C1orf105: variants seen among roughly 807,000 people sequenced by gnomAD.
The protein encoded by C1orf105 is uncharacterized protein C1orf105.
In C1orf105, 17 loss-of-function variants were observed where a neutral mutation model predicts 20.8. The observed-to-expected ratio is 0.82, with a 90% CI of 0.56 to 1.23. The LOEUF (loss-of-function observed/expected upper bound fraction) is 1.23, where lower values mean the gene tolerates loss of function less well. C1orf105 is among the 50% of genes most tolerant of loss of function. The pLI is 0.00. For synonymous variants in C1orf105, 72 were observed against 72.1 expected (o/e 1.00, Z 0.01); for missense variants, 219 against 213.5 (o/e 1.03, Z -0.16).
intron 1 of C1orf105, among the ~76,000 whole-genome samples, chr1:172,425,035 T>G (rs184661264): frequency 7.6e-4 from 116 of 152,294 alleles, no homozygotes; most frequent in African/African-American, 2.7e-3. Context: ...TCAGCATTGG[T>G]AAAATCAATT....
intron 3 of C1orf105, chr1:172,453,025 G>A (rs1256261687): frequency 6.4e-7 from 1 of 1,550,526 alleles, no homozygotes; most frequent in Non-Finnish European, 8.7e-7. Context: ...AGACAGAATG[G>A]AGGAAATGAG....
intron 2 of C1orf105, 132 bp from the exon 3 acceptor site, chr1:172,448,309 C>G (rs745372616): frequency 6.5e-5 from 42 of 649,990 alleles, no homozygotes; most frequent in Non-Finnish European, 9.3e-5. Flanking sequence ...TCCCCAATGG[C>G]CTGAGTGCTC....
intron 1 of C1orf105, chr1:172,444,016 G>C: frequency 1.0e-6 from 1 of 1,000,214 alleles, no homozygotes; most frequent in Non-Finnish European, 1.2e-6. Flanking sequence ...GCGCAGCTGG[G>C]GGACGGCGGC....
intron 1 of C1orf105, among the ~76,000 whole-genome samples, chr1:172,436,799 C>G (rs1481566325): frequency 6.6e-6 from 1 of 152,166 alleles, no homozygotes; most frequent in East Asian, 1.9e-4. Flanking sequence ...TCAGAGTGAA[C>G]AGGCAACCTA....
chr1:172,453,176 A>C, intron 3 of C1orf105: 1 of 1,551,106 alleles, frequency 6.4e-7, no homozygotes, highest in East Asian at 2.4e-5. Flanking sequence ...GCTTCAGCTG[A>C]TAGCAAGTCT....
intron 1 of C1orf105, chr1:172,441,932 C>A: frequency 1.2e-6 from 2 of 1,614,160 alleles, no homozygotes; most frequent in Non-Finnish European, 1.7e-6. Flanking sequence ...AGCAGTGTGA[C>A]CCCCACATAG....
At chr1:172,430,465 A>G (rs1481609302) in intron 1 of C1orf105, 1 of 587,774 alleles carries the variant, frequency 1.7e-6, no homozygotes, top group African/African-American at 1.9e-5. Context: ...TTTTTGAGAC[A>G]GGGTCTTGCT....
chr1:172,432,868 GA>G (rs1187088268), intron 1 of C1orf105, among the ~76,000 whole-genome samples: 1 of 152,042 alleles, frequency 6.6e-6, no homozygotes, highest in East Asian at 1.9e-4. Context: ...TAAAAACCTT[GA>G]AAAAAGGACA....
chr1:172,449,646 CAA>C (rs754515895), intron 3 of C1orf105, among the ~76,000 whole-genome samples: 9 of 152,150 alleles, frequency 5.9e-5, no homozygotes, highest in Admixed American at 2.0e-4. Flanking sequence ...GCCCAACAGA[CAA>C]GAGCAGAGAG....
At chr1:172,446,781 G>A (rs1457153811) in intron 2 of C1orf105, among the ~76,000 whole-genome samples, 2 of 152,168 alleles carry the variant, frequency 1.3e-5, no homozygotes, top group Non-Finnish European at 1.5e-5. Context: ...TCATAGCCAG[G>A]TCCTGGAGGG....
At chr1:172,444,998 C>A in intron 1 of C1orf105, 75 bp from the exon 2 acceptor site, 2 of 1,201,014 alleles carry the variant, frequency 1.7e-6, no homozygotes, top group Non-Finnish European at 2.4e-6. Flanking sequence ...CTGCTATTAG[C>A]TGACTTTGGC....
chr1:172,464,718 CA>C (rs1649918333), intron 5 of C1orf105, among the ~76,000 whole-genome samples: 3 of 151,116 alleles, frequency 2.0e-5, no homozygotes, highest in Admixed American at 2.0e-4. Context: ...TATGTTCTGA[CA>C]GTGGAATAAA....
At chr1:172,427,483 C>T (rs951799843) in intron 1 of C1orf105, among the ~76,000 whole-genome samples, 1 of 152,164 alleles carries the variant, frequency 6.6e-6, no homozygotes, top group Non-Finnish European at 1.5e-5. Flanking sequence ...TCCTGGCTCC[C>T]CTTTGAAGCA....
chr1:172,452,594 T>C (rs1373452650), intron 3 of C1orf105, among the ~76,000 whole-genome samples: 1 of 152,244 alleles, frequency 6.6e-6, no homozygotes, highest in African/African-American at 2.4e-5. Flanking sequence ...TCTCTGTTTC[T>C]TTACCAAGGG....
intron 4 of C1orf105, among the ~76,000 whole-genome samples, chr1:172,460,096 A>G (rs2149189958): frequency 6.6e-6 from 1 of 152,240 alleles, no homozygotes; most frequent in East Asian, 1.9e-4. Flanking sequence ...TTTTGGGGTC[A>G]TGAACTGTTC....
At chr1:172,438,373 T>C (rs1558129554) in intron 1 of C1orf105, among the ~76,000 whole-genome samples, 1 of 152,332 alleles carries the variant, frequency 6.6e-6, no homozygotes, top group South Asian at 2.1e-4. Flanking sequence ...TAATAGGAGT[T>C]TGGAAGATGT....
chr1:172,465,293 A>T lies in C1orf105; in HGVS notation c.342-6A>T, dbSNP rs780180460. The T allele has an allele frequency of 6.2e-7, 1 of 1,606,254 alleles. No individual in the cohort carries two copies. Among genetic ancestry groups the T allele is most frequent in the Non-Finnish European group, 8.5e-7 (1 of 1,173,442 alleles). On this transcript the variant is annotated splice_region_variant and splice_polypyrimidine_tract_variant and intron_variant, in intron 5 of 6. Coordinates refer to ENST00000367727, the MANE Select transcript of C1orf105 (RefSeq NM_139240.4). Reference sequence around the variant, plus strand: ...ACTAATGTGTTTTCTTGTTTCTTCCAATCAGAATGAGTCTTCATCAACCCA... The same window carrying T: ...ACTAATGTGTTTTCTTGTTTCTTCCTATCAGAATGAGTCTTCATCAACCCA...
intron 3 of C1orf105, among the ~76,000 whole-genome samples, chr1:172,448,902 A>G (rs1345235665): frequency 6.6e-6 from 1 of 151,842 alleles, no homozygotes; most frequent in African/African-American, 2.4e-5. Context: ...AACTCCCTAC[A>G]CCTGTGGAAT....
intron 1 of C1orf105, among the ~76,000 whole-genome samples, chr1:172,426,823 G>A (rs1348874420): frequency 6.6e-6 from 1 of 152,094 alleles, no homozygotes; most frequent in African/African-American, 2.4e-5. Flanking sequence ...TAAATTGAAT[G>A]GTCAATCATT....
Sources: allele counts gnomAD v4.1 joint callset (sites outside exome capture counted in the v4.1 genomes callset), GRCh38; gene constraint gnomAD v4.1.1; transcripts MANE v1.5; gene names NCBI Gene and HGNC (gene_info 2026-07-23, HGNC 2026-07-21).